GPC6: variants seen among roughly 807,000 people sequenced by gnomAD.
GPC6 encodes the protein glypican-6.
Under a neutral mutation model 55.2 loss-of-function variants are expected in GPC6, and 14 were observed. The observed-to-expected ratio is 0.25, with a 90% CI of 0.17 to 0.40. The LOEUF (loss-of-function observed/expected upper bound fraction) is 0.40, where lower values mean the gene tolerates loss of function less well. GPC6 is among the 10% of genes least tolerant of loss of function. GPC6 has a pLI of 1.00. For missense variants in GPC6, 641 were observed against 708.5 expected (o/e 0.90, Z 1.08); for synonymous variants, 278 against 259.6 (o/e 1.07, Z -0.68).
In GPC6 at chr13:94,337,614, A is replaced by T. The variant is rs528288485; in HGVS notation, c.1152+31491A>T. ...AGGTGTGCACCACCACATCTGGCTA[A>T]TTTTTGTATTTTAGGCAGAGACAGT... On this transcript the variant is annotated intron_variant, in intron 6 of 8. Coordinates refer to ENST00000377047, the MANE Select transcript of GPC6 (RefSeq NM_005708.5). Among the ~76,000 whole-genome samples, 5 of 151,890 alleles carry T rather than the reference A, an allele frequency of 3.3e-5. No homozygotes were observed. In the South Asian group the frequency reaches 1.0e-3, roughly 32 times the overall value.
chr13:93,449,099 G>C (rs975096031), intron 1 of GPC6, among the ~76,000 whole-genome samples: 1 of 152,220 alleles, frequency 6.6e-6, no homozygotes, highest in African/African-American at 2.4e-5. Context: ...GATAGATATA[G>C]TATAGGCACT....
At chr13:93,906,080 G>A (rs949523605) in intron 3 of GPC6, among the ~76,000 whole-genome samples, 1 of 152,148 alleles carries the variant, frequency 6.6e-6, no homozygotes, top group Non-Finnish European at 1.5e-5. Context: ...TGTATTATAA[G>A]GATGCAGGGG....
At chr13:94,273,432 T>C (rs1033352145) in intron 4 of GPC6, among the ~76,000 whole-genome samples, 14 of 152,178 alleles carry the variant, frequency 9.2e-5, no homozygotes, top group African/African-American at 3.1e-4. Context: ...GCCCATGTGG[T>C]AAGAACAGAG....
intron 1 of GPC6, among the ~76,000 whole-genome samples, chr13:93,354,304 A>G (rs1349715642): frequency 6.6e-6 from 1 of 150,970 alleles, no homozygotes; most frequent in East Asian, 1.9e-4. Context: ...TAACCTTAAT[A>G]TAATTTAAAA....
chr13:94,365,470 A>G (rs1275332664), intron 6 of GPC6, among the ~76,000 whole-genome samples: 1 of 152,212 alleles, frequency 6.6e-6, no homozygotes, highest in Non-Finnish European at 1.5e-5. Flanking sequence ...AAGAAATGTA[A>G]AAGTAGCATT....
chr13:93,369,749 C>A (rs1594124447), intron 1 of GPC6, among the ~76,000 whole-genome samples: 1 of 152,002 alleles, frequency 6.6e-6, no homozygotes, highest in East Asian at 1.9e-4. Context: ...ACTGTCAGTA[C>A]TCTATAAGGA....
At chr13:93,692,990 G>C (rs931946833) in intron 2 of GPC6, among the ~76,000 whole-genome samples, 1 of 151,990 alleles carries the variant, frequency 6.6e-6, no homozygotes, top group South Asian at 2.1e-4. Flanking sequence ...AAATTCTATT[G>C]AACTATGATG....
intron 3 of GPC6, among the ~76,000 whole-genome samples, chr13:93,995,272 C>A (rs1243609145): frequency 6.6e-6 from 1 of 152,006 alleles, no homozygotes; most frequent in Non-Finnish European, 1.5e-5. Flanking sequence ...AGTACAACTT[C>A]TGCCTCCTGG....
intron 1 of GPC6, among the ~76,000 whole-genome samples, chr13:93,492,430 A>T (rs1880055033): frequency 1.3e-5 from 2 of 149,912 alleles, no homozygotes; most frequent in Non-Finnish European, 1.5e-5. Context: ...GGCTGAGACG[A>T]TGGGGTTTTC....
intron 2 of GPC6, among the ~76,000 whole-genome samples, chr13:93,783,007 C>T (rs1196792671): frequency 2.6e-5 from 4 of 152,046 alleles, no homozygotes; most frequent in African/African-American, 7.2e-5. Flanking sequence ...CAGTGTGTGT[C>T]GTTCCCACTG....
chr13:93,571,663 TCTAATTG>T (rs1876412225), intron 2 of GPC6, among the ~76,000 whole-genome samples: 1 of 152,218 alleles, frequency 6.6e-6, no homozygotes, highest in African/African-American at 2.4e-5. Context: ...AGATGCAGAC[TCTAATTG>T]CTGATTAACA....
At chr13:93,402,310 C>T (rs575702140) in intron 1 of GPC6, among the ~76,000 whole-genome samples, 2 of 152,212 alleles carry the variant, frequency 1.3e-5, no homozygotes, top group Admixed American at 6.5e-5. Context: ...ACTTCATAAG[C>T]GCTAGGGCAA....
At chr13:94,267,918 T>C (rs889299361) in intron 4 of GPC6, among the ~76,000 whole-genome samples, 3 of 152,198 alleles carry the variant, frequency 2.0e-5, no homozygotes, top group African/African-American at 7.2e-5. Context: ...AATGGACCTA[T>C]TTCCTAAAGG....
chr13:93,525,966 G>T (rs1566404673), intron 1 of GPC6, among the ~76,000 whole-genome samples: 1 of 151,976 alleles, frequency 6.6e-6, no homozygotes, highest in Non-Finnish European at 1.5e-5. Context: ...CAACATTGTA[G>T]GATCCTAGAG....
chr13:94,165,244 G>A lies in GPC6; in HGVS notation c.878-121105G>A, dbSNP rs1002636892. Among the ~76,000 whole-genome samples, 22 of 145,502 alleles carry A rather than the reference G, an allele frequency of 1.5e-4. No individual in the cohort carries two copies. The East Asian group carries it at 3.0e-3, about 20-fold the overall frequency. The stretch of plus-strand genomic sequence containing the variant: ...AATGGAATACTATTCATATATATAT[G>A]TATACATATATGTATACATATATAT... On this transcript the variant is annotated intron_variant, in intron 4 of 8. Transcript: ENST00000377047.
chr13:94,148,006 G>A (rs1887619953), intron 4 of GPC6, among the ~76,000 whole-genome samples: 1 of 152,126 alleles, frequency 6.6e-6, no homozygotes. Flanking sequence ...AGCACCTTGA[G>A]ACCAATGTCA....
chr13:94,139,354 G>C (rs958551615), intron 4 of GPC6, among the ~76,000 whole-genome samples: 2 of 152,126 alleles, frequency 1.3e-5, no homozygotes, highest in Non-Finnish European at 2.9e-5. Flanking sequence ...GAACTACAAA[G>C]AACATACAGG....
At chr13:93,576,201 T>C (rs1032822894) in intron 2 of GPC6, among the ~76,000 whole-genome samples, 1 of 152,116 alleles carries the variant, frequency 6.6e-6, no homozygotes, top group Admixed American at 6.6e-5. Context: ...ATAACATTAA[T>C]TTAGGAAAGT....
chr13:93,945,605 C>T (rs958339381), intron 3 of GPC6, among the ~76,000 whole-genome samples: 5 of 152,142 alleles, frequency 3.3e-5, no homozygotes, highest in Non-Finnish European at 5.9e-5. Flanking sequence ...ATAGGGAAGC[C>T]GAAAGACATT....
Sources: allele counts gnomAD v4.1 joint callset (sites outside exome capture counted in the v4.1 genomes callset), GRCh38; gene constraint gnomAD v4.1.1; transcripts MANE v1.5; gene names NCBI Gene and HGNC (gene_info 2026-07-23, HGNC 2026-07-21).